Variants in RABL3 observed in about 807,000 individuals in gnomAD.
The protein encoded by RABL3 is rab-like protein 3.
RABL3 carries 31 observed loss-of-function variants against 31.8 expected under a neutral mutation model. The ratio of observed to expected loss-of-function variants is 0.97; its 90% CI spans 0.73 to 1.31. The LOEUF (loss-of-function observed/expected upper bound fraction) is 1.31, where lower values mean the gene tolerates loss of function less well. Ranked by LOEUF, RABL3 falls within the 40% of genes most tolerant of loss-of-function variation. The pLI, the probability that RABL3 is intolerant of heterozygous loss-of-function variation, is 0.00. For missense variants in RABL3, 263 were observed against 279.6 expected, an observed-to-expected ratio of 0.94 and a Z score of 0.42; for synonymous variants, 97 against 99.9, an observed-to-expected ratio of 0.97 and a Z score of 0.18.
intron 1 of RABL3, among the ~76,000 whole-genome samples, chr3:120,731,005 T>A (rs1382584383): frequency 1.3e-5 from 2 of 152,180 alleles, no homozygotes; most frequent in Non-Finnish European, 2.9e-5. Context: ...AGTTAAAACA[T>A]GGAATGCTGG....
rs1428584586 is a variant in RABL3 at position 120,740,284 on chromosome 3, C to T, written c.46+2178G>A. ...TCTTTTTATTTTTTTTTCTTGGAGA[C>T]AGGGTCTCACTCTATCACCCAGGCT... On this transcript the variant is annotated intron_variant, in intron 1 of 7. Coordinates refer to ENST00000273375, the MANE Select transcript of RABL3 (RefSeq NM_173825.5). Among the ~76,000 whole-genome samples, 6 of 151,962 alleles carry T rather than the reference C, an allele frequency of 3.9e-5. No homozygotes were observed. The East Asian group carries it at 1.2e-3, about 29-fold the overall frequency.
intron 1 of RABL3, among the ~76,000 whole-genome samples, chr3:120,741,972 G>A (rs918720115): frequency 1.4e-4 from 21 of 152,104 alleles, no homozygotes; most frequent in African/African-American, 5.1e-4. Context: ...CTGTAAAATG[G>A]GATAACAGGA....
At chr3:120,702,816 C>A (rs1430321134) in intron 4 of RABL3, among the ~76,000 whole-genome samples, 2 of 152,158 alleles carry the variant, frequency 1.3e-5, no homozygotes, top group Non-Finnish European at 2.9e-5. Flanking sequence ...CTTGGCCTCC[C>A]AAAGTGCTGA....
At chr3:120,737,899 G>A (rs955013396) in intron 1 of RABL3, among the ~76,000 whole-genome samples, 2 of 152,216 alleles carry the variant, frequency 1.3e-5, no homozygotes, top group African/African-American at 4.8e-5. Context: ...CTTTTTCTCA[G>A]CGGGGTACTG....
intron 2 of RABL3, among the ~76,000 whole-genome samples, chr3:120,717,626 G>A (rs372815783): frequency 2.0e-5 from 3 of 151,966 alleles, no homozygotes; most frequent in South Asian, 4.2e-4. Context: ...GTGCCACCAC[G>A]CCCAGCTAAT....
At chr3:120,714,070 A>C (rs1708641245) in intron 2 of RABL3, among the ~76,000 whole-genome samples, 1 of 152,190 alleles carries the variant, frequency 6.6e-6, no homozygotes, top group African/African-American at 2.4e-5. Context: ...TTGGCCTCCC[A>C]AAGTGCTGGG....
At chr3:120,742,370 G>A (rs769095518) in intron 1 of RABL3, 92 bp downstream of exon 1, 32 of 1,219,098 alleles carry the variant, frequency 2.6e-5, no homozygotes, top group African/African-American at 4.5e-5. Context: ...CACGGGCCGA[G>A]GAGCCAGGAA....
At chr3:120,696,427 T>C (rs927199539) in intron 5 of RABL3, among the ~76,000 whole-genome samples, 8 of 152,180 alleles carry the variant, frequency 5.3e-5, no homozygotes, top group Non-Finnish European at 7.3e-5. Flanking sequence ...CCCTCTCCTA[T>C]TGTTATGTGT....
At chr3:120,711,058 A>G (rs1244824647) in intron 2 of RABL3, among the ~76,000 whole-genome samples, 1 of 151,940 alleles carries the variant, frequency 6.6e-6, no homozygotes, top group Non-Finnish European at 1.5e-5. Context: ...GTCTTGCAAC[A>G]TTTTTCACCT....
chr3:120,699,466 T>C (rs1708471917), intron 4 of RABL3, among the ~76,000 whole-genome samples: 1 of 152,242 alleles, frequency 6.6e-6, no homozygotes. Context: ...TTAATTTAAA[T>C]TCTACTCACA....
At chr3:120,735,091 G>A (rs1009740162) in intron 1 of RABL3, among the ~76,000 whole-genome samples, 7 of 152,044 alleles carry the variant, frequency 4.6e-5, no homozygotes, top group African/African-American at 9.7e-5. Context: ...CTCTTTTTCC[G>A]TTGATTGGAA....
At chr3:120,698,761 C>T (rs943246608) in intron 4 of RABL3, among the ~76,000 whole-genome samples, 188 bp from the exon 5 acceptor site, 11 of 152,328 alleles carry the variant, frequency 7.2e-5, no homozygotes, top group Middle Eastern at 3.4e-3. Flanking sequence ...TCCTCATCAT[C>T]AGATTCCAGC....
intron 1 of RABL3, among the ~76,000 whole-genome samples, chr3:120,737,307 T>C (rs1029924835): frequency 6.6e-6 from 1 of 152,256 alleles, no homozygotes; most frequent in Non-Finnish European, 1.5e-5. Context: ...TTCTTCCAGT[T>C]GATCAAATCG....
At chr3:120,723,657 TA>T (rs1708777936) in intron 2 of RABL3, among the ~76,000 whole-genome samples, 1 of 152,198 alleles carries the variant, frequency 6.6e-6, no homozygotes, top group Non-Finnish European at 1.5e-5. Flanking sequence ...CGCAAATCAA[TA>T]AACGTAATCC....
chr3:120,731,686 T>C (rs1708884824), intron 1 of RABL3, among the ~76,000 whole-genome samples: 2 of 152,204 alleles, frequency 1.3e-5, no homozygotes, highest in Non-Finnish European at 2.9e-5. Flanking sequence ...AGATCATCTC[T>C]TTGATCATAC....
At chr3:120,697,138 A>C (rs778382898) in intron 5 of RABL3, among the ~76,000 whole-genome samples, 4 of 152,220 alleles carry the variant, frequency 2.6e-5, no homozygotes, top group Non-Finnish European at 5.9e-5. Context: ...ATAAATACAC[A>C]ATCAGATTTG....
intron 4 of RABL3, among the ~76,000 whole-genome samples, 185 bp downstream of exon 4, chr3:120,705,815 G>T (rs1240917127): frequency 6.6e-6 from 1 of 152,154 alleles, no homozygotes; most frequent in Admixed American, 6.5e-5. Context: ...TAGAAGAAAA[G>T]AAGAGTAATC....
At chr3:120,719,218 G>C (rs1559818539) in intron 2 of RABL3, among the ~76,000 whole-genome samples, 1 of 152,208 alleles carries the variant, frequency 6.6e-6, no homozygotes, top group Non-Finnish European at 1.5e-5. Flanking sequence ...CGTGGGGAGG[G>C]TGGAGCCAGG....
chr3:120,694,055 T>C, intron 6 of RABL3, 98 bp downstream of exon 6: 1 of 710,630 alleles, frequency 1.4e-6, no homozygotes, highest in Non-Finnish European at 2.4e-6. Context: ...CTGTGAAGTT[T>C]TGGACAAAAA....
Sources: allele counts gnomAD v4.1 joint callset (sites outside exome capture counted in the v4.1 genomes callset), GRCh38; gene constraint gnomAD v4.1.1; transcripts MANE v1.5; gene names NCBI Gene and HGNC (gene_info 2026-07-23, HGNC 2026-07-21).